The following HAPLN4 variants were observed in gnomAD, a reference collection of about 807,000 sequenced individuals.
The protein encoded by HAPLN4 is brain link protein 2.
Under a neutral mutation model 28.0 loss-of-function variants are expected in HAPLN4, and 19 were observed. The ratio of observed to expected loss-of-function variants is 0.68; its 90% CI spans 0.47 to 1.00. HAPLN4 has a LOEUF of 1.00. HAPLN4 is among the 50% of genes least tolerant of loss of function. HAPLN4 has a pLI of 0.00. For missense variants in HAPLN4, 587 were observed against 602.6 expected, an observed-to-expected ratio of 0.97 and a Z score of 0.27; for synonymous variants, 274 against 273.0, an observed-to-expected ratio of 1.00 and a Z score of -0.03.
Position 19,256,508 on chromosome 19 carries a change from G to T in HAPLN4, c.*1309C>A, listed in dbSNP as rs2060966122. ...ACAGCTTGGTGAACAGGGCCCCGTT[G>T]TCCACAAGGAAAAGCCTAGGGGGAC... On this transcript the variant is annotated 3_prime_UTR_variant, in exon 5 of 5. Coordinates refer to ENST00000291481, the MANE Select transcript of HAPLN4 (RefSeq NM_023002.3). The T allele has an allele frequency of 6.5e-6, 1 of 152,672 alleles. No homozygotes were observed. Among genetic ancestry groups the T allele is most frequent in the Non-Finnish European group, 1.5e-5 (1 of 68,064 alleles). 9.5% of individuals were successfully genotyped at this position (152,672 alleles called of 1,614,324 possible). A position where few individuals can be genotyped will look rare whatever the true frequency, so the allele number is the denominator to read the frequency against.
At position 19,260,868 on chromosome 19, in the gene HAPLN4, G is replaced by C. The variant is rs1288658154; in HGVS notation, c.429C>G (p.Cys143Trp). 2 of 1,613,892 alleles carry C rather than the reference G, an allele frequency of 1.2e-6. No homozygotes were observed. The highest frequency in any genetic ancestry group is 1.3e-5 in the African/African-American group (1 of 74,922). Reference sequence around the variant, plus strand: ...CATCTTCCAGCTCATTGGTGACTTCGCACTCATAGCGCCCGTAGTCTTGCA... The same window carrying C: ...CATCTTCCAGCTCATTGGTGACTTCCCACTCATAGCGCCCGTAGTCTTGCA... Reference protein sequence around the residue: ...VTLQDYGRYECEVTNELEDDA... With the variant: ...VTLQDYGRYEWEVTNELEDDA... The change falls in exon 3 of 5, where the codon TGC becomes TGG. Residue 143 changes from cysteine (C) to tryptophan (W), a missense_variant. Physicochemically the swap from Cys to Trp is radical, Grantham distance 215. Transcript: ENST00000291481.
Position 19,255,852 on chromosome 19 carries a change from G to A in HAPLN4, c.*1965C>T, listed in dbSNP as rs550732692. On this transcript the variant is annotated 3_prime_UTR_variant, in exon 5 of 5. Coordinates refer to ENST00000291481, the MANE Select transcript of HAPLN4 (RefSeq NM_023002.3). ...GAGATAGGTTTCCTAGAGATGACGTGACAGTAAAGAGGGCCCCAGGGGGAC... is the reference window on the plus strand; with the variant it reads ...GAGATAGGTTTCCTAGAGATGACGTAACAGTAAAGAGGGCCCCAGGGGGAC... 2 of 152,322 alleles carry A rather than the reference G, an allele frequency of 1.3e-5. No homozygotes were observed. Among genetic ancestry groups the A allele is most frequent in the Non-Finnish European group, 2.9e-5 (2 of 68,040 alleles). 9.4% of individuals were successfully genotyped at this position (152,322 alleles called of 1,614,324 possible).
In HAPLN4 at chr19:19,257,874, G is replaced by A. The variant is rs980229674; in HGVS notation, c.1152C>T (p.Gly384=). 2 of 1,442,266 alleles carry A rather than the reference G, an allele frequency of 1.4e-6. No homozygotes were observed. The highest frequency in any genetic ancestry group is 1.8e-6 in the Non-Finnish European group (2 of 1,108,000). 89.3% of individuals were successfully genotyped at this position (1,442,266 alleles called of 1,614,324 possible). Reference sequence around the variant, plus strand: ...CGCGCGCGCCCCCTGCCCAGCCGCCGCCGCCCGCCCAGCCCCAGCCCCAGC... The same window carrying A: ...CGCGCGCGCCCCCTGCCCAGCCGCCACCGCCCGCCCAGCCCCAGCCCCAGC... ...PGGWGWGWAG[G]GGWAGGARDP... Residue 384 remains glycine, a synonymous_variant, in exon 5 of 5, where the codon GGC becomes GGT. Coordinates refer to ENST00000291481, the MANE Select transcript of HAPLN4 (RefSeq NM_023002.3).
In HAPLN4 at chr19:19,262,747, C is replaced by CATCTTG; in HGVS notation, c.-16_-15insCAAGAT. The CATCTTG allele has an allele frequency of 6.2e-7, 1 of 1,608,412 alleles. No individual in the cohort carries two copies. The highest frequency in any genetic ancestry group is 8.5e-7 in the Non-Finnish European group (1 of 1,176,726). ...CCACTTACCATCTTGCCCGCGCGGC[C>CATCTTG]CCCGCCGAGCGGCCCCTACGCACCC... is the stretch of plus-strand genomic sequence containing the variant. On this transcript the variant is annotated 5_prime_UTR_variant, in exon 1 of 5. In the 5' UTR this introduces an upstream ATG that the reference lacks. Coordinates refer to ENST00000291481, the MANE Select transcript of HAPLN4 (RefSeq NM_023002.3).
At position 19,258,803 on chromosome 19, in the gene HAPLN4, C is replaced by T. The variant is rs376543132; in HGVS notation, c.537G>A (p.Ala179=). 53 of 1,592,976 alleles carry T rather than the reference C, an allele frequency of 3.3e-5. No homozygotes were observed. The highest frequency in any genetic ancestry group is 3.3e-4 in the Middle Eastern group (2 of 6,032). ...PRGGRYKLTF[A]EAQRACAEQD... The stretch of plus-strand genomic sequence containing the variant: ...GCTCGGCGCACGCGCGCTGCGCCTC[C>T]GCGAAGGTCAGCTTGTATCGGCCTC... The change falls in exon 4 of 5, where the codon GCG becomes GCA. Residue 179 remains alanine (A), a synonymous_variant. Coordinates refer to ENST00000291481, the MANE Select transcript of HAPLN4 (RefSeq NM_023002.3). The surrounding 1 kb of genome is among the most constrained non-coding windows in gnomAD (Gnocchi z 6.2).
Position 19,258,533 on chromosome 19 carries a change from G to T in HAPLN4, c.807C>A (p.Ser269=). Residue 269 remains serine (S), a synonymous_variant, in exon 4 of 5, where the codon TCC becomes TCA. Coordinates refer to ENST00000291481, the MANE Select transcript of HAPLN4 (RefSeq NM_023002.3). This position sits in a 1 kb window ranked among gnomAD's most constrained non-coding sequence, Gnocchi z 6.2. ...GTGAGGCCTACGCACCCGGCAGGTT[G>T]GACGTGAAGCAGAAGGCGTCGTAGC... ...EERYDAFCFT[S]NLPGRVFFLK... is the part of the protein sequence containing the mutation. The T allele has an allele frequency of 1.2e-6, 2 of 1,613,370 alleles. No individual in the cohort carries two copies. The highest frequency in any genetic ancestry group is 2.2e-5 in the South Asian group (2 of 91,082).
intron 1 of HAPLN4, among the ~76,000 whole-genome samples, chr19:19,262,047 C>A (rs2060985505): frequency 2.0e-5 from 3 of 150,394 alleles, no homozygotes; most frequent in Admixed American, 1.3e-4. Context: ...GAAGAGAGTG[C>A]GCGACACAGA....
chr19:19,260,389 G>A (rs1276453450), intron 3 of HAPLN4, among the ~76,000 whole-genome samples: 2 of 152,028 alleles, frequency 1.3e-5, no homozygotes, highest in African/African-American at 2.4e-5. Context: ...GCTAATTTTT[G>A]TATTTTTACT....
At chr19:19,261,349 A>T (rs929536047) in intron 2 of HAPLN4, 97 bp downstream of exon 2, 10 of 1,262,398 alleles carry the variant, frequency 7.9e-6, no homozygotes, top group Middle Eastern at 3.7e-4. Context: ...GGCTGGGGGA[A>T]CCGCGGACGT....
chr19:19,260,407 G>A (rs543794608), intron 3 of HAPLN4, among the ~76,000 whole-genome samples: 6 of 152,116 alleles, frequency 3.9e-5, no homozygotes, highest in African/African-American at 1.4e-4. Context: ...ACTAGAGATG[G>A]GGTTTTGGCA....
chr19:19,256,337 G>C lies in HAPLN4; in HGVS notation c.*1480C>G, dbSNP rs1349114848. 6.6e-6 allele frequency: 1 copy of C among 152,580 alleles called. No individual in the cohort carries two copies. The highest frequency in any genetic ancestry group is 1.5e-5 in the Non-Finnish European group (1 of 68,046). The allele number at this position is 152,580 out of a possible 1,614,324, so 9.5% of individuals were successfully genotyped here. A position where few individuals can be genotyped will look rare whatever the true frequency, so the allele number is the denominator to read the frequency against. On this transcript the variant is annotated 3_prime_UTR_variant, in exon 5 of 5. Transcript: ENST00000291481. The stretch of plus-strand genomic sequence containing the variant: ...CAGCTCCAGAAGTCCAGCCCTGTCT[G>C]GGGAAGGGGCAGCCATCAGGCCCCT...
rs2060965906 is a variant in HAPLN4 at position 19,256,417 on chromosome 19, A to G, written c.*1400T>C. ...GAGGCACCCAGGACTTCTGGCCCAC[A>G]ATGAGAAGTTCCTGAGAACTGGAAG... On this transcript the variant is annotated 3_prime_UTR_variant, in exon 5 of 5. Transcript: ENST00000291481. The G allele has an allele frequency of 1.3e-5, 2 of 152,608 alleles. No individual in the cohort carries two copies. The highest frequency in any genetic ancestry group is 6.5e-5 in the Admixed American group (1 of 15,286). 9.5% of individuals were successfully genotyped at this position (152,608 alleles called of 1,614,324 possible). A position where few individuals can be genotyped will look rare whatever the true frequency, so the allele number is the denominator to read the frequency against.
chr19:19,262,785 C>T lies in HAPLN4; in HGVS notation c.-53G>A, dbSNP rs372876724. On this transcript the variant is annotated 5_prime_UTR_variant, in exon 1 of 5. Transcript: ENST00000291481. ...CCCCTACGCACCCGGACTGCGCTCCCCGCACACCCGGTTAAGACTGGGCAG... is the reference window on the plus strand; with the variant it reads ...CCCCTACGCACCCGGACTGCGCTCCTCGCACACCCGGTTAAGACTGGGCAG... 73 of 1,595,332 alleles carry T rather than the reference C, an allele frequency of 4.6e-5. No homozygotes were observed. In the African/African-American group the frequency reaches 5.5e-4, roughly 12 times the overall value.
intron 1 of HAPLN4, among the ~76,000 whole-genome samples, chr19:19,261,874 G>A (rs1398242904): frequency 6.6e-6 from 1 of 152,064 alleles, no homozygotes; most frequent in East Asian, 1.9e-4. Flanking sequence ...CGGGGATAGG[G>A]GGGTGGGGAA....
rs778025794 is a variant in HAPLN4, at chr19:19,258,558, C to T, written c.782G>A (p.Arg261His). The T allele has an allele frequency of 1.4e-5, 22 of 1,613,676 alleles. No individual in the cohort carries two copies. Among genetic ancestry groups the T allele is most frequent in the Non-Finnish European group, 1.9e-5 (22 of 1,179,884 alleles). The change falls in exon 4 of 5, where the codon CGC (arginine) becomes CAC (histidine). Residue 261 changes from arginine (R) to histidine (H), a missense_variant. By Grantham distance (29) the Arg-to-His change is conservative. Transcript: ENST00000291481. This position sits in a 1 kb window ranked among gnomAD's most constrained non-coding sequence, Gnocchi z 6.2. ...NYGYRHNAEE[R>H]YDAFCFTSNL... is the part of the protein sequence containing the mutation. ...GGACGTGAAGCAGAAGGCGTCGTAGCGTTCCTCGGCGTTATGGCGATACCC... is the reference window on the plus strand; with the variant it reads ...GGACGTGAAGCAGAAGGCGTCGTAGTGTTCCTCGGCGTTATGGCGATACCC...
rs1042146324 is a variant in HAPLN4 at position 19,260,248 on chromosome 19, G to C, written c.484+565C>G. Among the ~76,000 whole-genome samples the C allele has an allele frequency of 2.6e-4, 39 of 151,844 alleles. 1 individual carries two copies. Among genetic ancestry groups the C allele is most frequent in the African/African-American group, 4.8e-5 (2 of 41,320 alleles). ...TTATTTATTTTTGAGATGGAGTCTCGCTCTGTCGCCCAGGCTGGAGTGCAG... is the reference window on the plus strand; with the variant it reads ...TTATTTATTTTTGAGATGGAGTCTCCCTCTGTCGCCCAGGCTGGAGTGCAG... On this transcript the variant is annotated intron_variant, in intron 3 of 4. Transcript: ENST00000291481.
chr19:19,257,882 C>A lies in HAPLN4; in HGVS notation c.1144G>T (p.Ala382Ser), dbSNP rs760356132. The change falls in exon 5 of 5, where the codon GCG becomes TCG. Residue 382 changes from alanine to serine, a missense_variant. Coordinates refer to ENST00000291481, the MANE Select transcript of HAPLN4 (RefSeq NM_023002.3). ...CCCCCTGCCCAGCCGCCGCCGCCCGCCCAGCCCCAGCCCCAGCCGCCAGGT... is the reference window on the plus strand; with the variant it reads ...CCCCCTGCCCAGCCGCCGCCGCCCGACCAGCCCCAGCCCCAGCCGCCAGGT... ...PAPGGWGWGWAGGGGWAGGAR... is the reference protein window; with the variant it reads ...PAPGGWGWGWSGGGGWAGGAR... The A allele has an allele frequency of 6.9e-6, 10 of 1,459,428 alleles. No individual in the cohort carries two copies. The African/African-American group carries it at 1.2e-4, about 17-fold the overall frequency. The allele number at this position is 1,459,428 out of a possible 1,614,324, so 90.4% of individuals were successfully genotyped here. A position where few individuals can be genotyped will look rare whatever the true frequency, so the allele number is the denominator to read the frequency against.
chr19:19,260,690 G>T lies in HAPLN4; in HGVS notation c.484+123C>A, dbSNP rs2060979665. On this transcript the variant is annotated intron_variant, in intron 3 of 4. Coordinates refer to ENST00000291481, the MANE Select transcript of HAPLN4 (RefSeq NM_023002.3). ...GAAAATCACCCAGAACCAGATATGG[G>T]GGCTCTACCCCAACCAACCTTCTAA... is the stretch of plus-strand genomic sequence containing the variant. 8 of 1,192,620 alleles carry T rather than the reference G, an allele frequency of 6.7e-6. No homozygotes were observed. The South Asian group carries it at 1.0e-4, about 15-fold the overall frequency. 73.9% of individuals were successfully genotyped at this position (1,192,620 alleles called of 1,614,324 possible).
intron 1 of HAPLN4, 183 bp from the exon 2 acceptor site, chr19:19,261,746 A>G (rs1029140252): frequency 1.7e-5 from 9 of 529,042 alleles, no homozygotes; most frequent in Non-Finnish European, 3.0e-5. Flanking sequence ...AGCTTCTGCA[A>G]GAACCCACGC....
Sources: allele counts gnomAD v4.1 joint callset (sites outside exome capture counted in the v4.1 genomes callset), GRCh38; gene constraint gnomAD v4.1.1; non-coding constraint Gnocchi (gnomAD v3.1); transcripts MANE v1.5; gene names NCBI Gene and HGNC (gene_info 2026-07-23, HGNC 2026-07-21).